PICALM: variants seen among roughly 807,000 people sequenced by gnomAD.
PICALM encodes phosphatidylinositol binding clathrin assembly protein.
In PICALM, 40 loss-of-function variants were observed where a neutral mutation model predicts 80.5. That is an observed-to-expected ratio of 0.50 (90% CI 0.39 to 0.65). The LOEUF is 0.65. Among genes scored for constraint, PICALM ranks in the 30% least tolerant of loss-of-function variants. The pLI, the probability that PICALM is intolerant of heterozygous loss-of-function variation, is 0.00. For missense variants in PICALM, 676 were observed against 778.9 expected, an observed-to-expected ratio of 0.87 and a Z score of 1.57; for synonymous variants, 288 against 260.3, an observed-to-expected ratio of 1.11 and a Z score of -1.02.
chr11:86,035,206 T>C (rs2095819724), intron 1 of PICALM, among the ~76,000 whole-genome samples: 1 of 152,110 alleles, frequency 6.6e-6, no homozygotes, highest in Non-Finnish European at 1.5e-5. Context: ...GTCATATTCC[T>C]AGTGTAGGCC....
At chr11:85,965,028 A>T (rs1047328406) in intron 19 of PICALM, among the ~76,000 whole-genome samples, 13 of 152,248 alleles carry the variant, frequency 8.5e-5, no homozygotes, top group African/African-American at 3.1e-4. Flanking sequence ...ACATACAGTC[A>T]TGGTACATAC....
chr11:85,961,292 C>A (rs554906150), intron 19 of PICALM, among the ~76,000 whole-genome samples: 40 of 152,292 alleles, frequency 2.6e-4, no homozygotes, highest in African/African-American at 9.4e-4. Flanking sequence ...ACTTTTTACA[C>A]GAAGTTGTCT....
chr11:86,068,117 G>A (rs921033005), intron 1 of PICALM, among the ~76,000 whole-genome samples: 1 of 152,204 alleles, frequency 6.6e-6, no homozygotes, highest in Admixed American at 6.5e-5. Context: ...AGGAAGGGAT[G>A]GGCGAAGCAG....
intron 5 of PICALM, 130 bp from the exon 6 acceptor site, chr11:86,012,522 C>A: frequency 1.8e-6 from 1 of 569,254 alleles, no homozygotes; most frequent in South Asian, 2.3e-5. Flanking sequence ...CATTTATTTT[C>A]TCTAATACAT....
At chr11:85,981,623 G>T in intron 16 of PICALM, 122 bp downstream of exon 16, 5 of 638,580 alleles carry the variant, frequency 7.8e-6, no homozygotes, top group Non-Finnish European at 1.1e-5. Flanking sequence ...AAAAAAAAAA[G>T]ATGCAGACTT....
rs138231040 is a variant in PICALM at position 86,036,735 on chromosome 11, G to C, written c.131-5124C>G. 4.1e-3 allele frequency among the ~76,000 whole-genome samples: 617 copies of C among 152,184 alleles called. 3 individuals are homozygous for C. Among genetic ancestry groups the C allele is most frequent in the African/African-American group, 0.014 (582 of 41,524 alleles). Reference sequence around the variant, plus strand: ...GCACAAAAAATAAAAGCTGTCAGGAGAAAATGTTCACCACATATTAAGTCA... The same window carrying C: ...GCACAAAAAATAAAAGCTGTCAGGACAAAATGTTCACCACATATTAAGTCA... On this transcript the variant is annotated intron_variant, in intron 1 of 19. Transcript: ENST00000393346.
chr11:85,978,133 A>G (rs890726125), intron 17 of PICALM: 2 of 1,561,108 alleles, frequency 1.3e-6, no homozygotes, highest in Non-Finnish European at 1.8e-6. Context: ...ATGCAATAAC[A>G]CTGGATTAGA....
chr11:86,053,944 T>A (rs1010699036), intron 1 of PICALM, among the ~76,000 whole-genome samples: 10 of 152,164 alleles, frequency 6.6e-5, no homozygotes, highest in Non-Finnish European at 1.3e-4. Flanking sequence ...TTCAGATATA[T>A]AAAAGTCACT....
At chr11:86,006,282 G>A (rs1403644290) in intron 8 of PICALM, among the ~76,000 whole-genome samples, 1 of 152,104 alleles carries the variant, frequency 6.6e-6, no homozygotes, top group African/African-American at 2.4e-5. Context: ...TCTTAGCCTT[G>A]ACATTAGAGG....
At chr11:86,022,623 A>T (rs1176821131) in intron 3 of PICALM, among the ~76,000 whole-genome samples, 154 bp from the exon 4 acceptor site, 3 of 152,172 alleles carry the variant, frequency 2.0e-5, no homozygotes. Context: ...AAATTAAGTA[A>T]CTAATTAATA....
chr11:86,062,247 T>C (rs1054917496), intron 1 of PICALM, among the ~76,000 whole-genome samples: 1 of 152,200 alleles, frequency 6.6e-6, no homozygotes, highest in African/African-American at 2.4e-5. Context: ...CCGGGCGCAG[T>C]GGCTCACGCC....
chr11:86,034,659 T>TA (rs547736022), intron 1 of PICALM, among the ~76,000 whole-genome samples: 149 of 147,280 alleles, frequency 1.0e-3, no homozygotes, highest in African/African-American at 2.6e-3. Flanking sequence ...CCACACACAC[T>TA]AAAAAAAAAA....
intron 7 of PICALM, among the ~76,000 whole-genome samples, chr11:86,010,190 C>T (rs572654114): frequency 4.6e-5 from 7 of 152,136 alleles, no homozygotes; most frequent in Admixed American, 2.6e-4. Context: ...CAAGTATTAC[C>T]ACACCTGCCT....
chr11:86,061,972 T>A (rs72950453), intron 1 of PICALM, among the ~76,000 whole-genome samples: 24,138 of 150,614 alleles, frequency 0.16, 2,470 homozygotes, highest in Middle Eastern at 0.25. Context: ...ATTGAGGAAA[T>A]CGTAAACGCA....
At chr11:85,971,074 A>G (rs1429295106) in intron 19 of PICALM, among the ~76,000 whole-genome samples, 1 of 152,220 alleles carries the variant, frequency 6.6e-6, no homozygotes, top group Non-Finnish European at 1.5e-5. Flanking sequence ...AGGAATTACA[A>G]AATAATTAAA....
chr11:86,065,658 C>T (rs1239026406), intron 1 of PICALM, among the ~76,000 whole-genome samples: 1 of 152,078 alleles, frequency 6.6e-6, no homozygotes, highest in Non-Finnish European at 1.5e-5. Flanking sequence ...ATTATGGCTA[C>T]TAAAGGCCTA....
chr11:86,066,641 A>G (rs1341688307), intron 1 of PICALM, among the ~76,000 whole-genome samples: 1 of 152,124 alleles, frequency 6.6e-6, no homozygotes, highest in Non-Finnish European at 1.5e-5. Context: ...ATAAGACACA[A>G]ACCTTTACAA....
intron 5 of PICALM, among the ~76,000 whole-genome samples, chr11:86,013,119 C>A (rs1392585831): frequency 2.0e-5 from 3 of 151,794 alleles, no homozygotes; most frequent in Non-Finnish European, 4.4e-5. Context: ...CCAGCCTGGG[C>A]AACACAGCAA....
intron 8 of PICALM, among the ~76,000 whole-genome samples, chr11:86,006,291 G>C (rs779105730): frequency 7.2e-5 from 11 of 152,132 alleles, no homozygotes; most frequent in Non-Finnish European, 1.5e-4. Context: ...TGACATTAGA[G>C]GGAAGAATCA....
Sources: gnomAD v4.1 joint callset for allele counts (sites outside exome capture counted in the v4.1 genomes callset) on GRCh38, gnomAD v4.1.1 for gene constraint, MANE v1.5 for transcripts, NCBI Gene and HGNC (gene_info 2026-07-23, HGNC 2026-07-21) for gene names.